Variants in FUT8 observed in about 807,000 individuals in gnomAD.
FUT8 encodes the protein fucosyltransferase 8, also known as alpha-(1,6)-fucosyltransferase.
Under a neutral mutation model 71.3 loss-of-function variants are expected in FUT8, and 29 were observed. That is an observed-to-expected ratio of 0.41 (90% CI 0.30 to 0.55). The LOEUF (loss-of-function observed/expected upper bound fraction) is 0.55. Among genes scored for constraint, FUT8 ranks in the 20% least tolerant of loss-of-function variants. FUT8 has a pLI of 0.34. For missense variants in FUT8, 544 were observed against 702.1 expected, an observed-to-expected ratio of 0.77 and a Z score of 2.55; for synonymous variants, 254 against 239.3, an observed-to-expected ratio of 1.06 and a Z score of -0.57.
At chr14:65,695,962 T>C (rs756913099) in intron 7 of FUT8, among the ~76,000 whole-genome samples, 10 of 152,106 alleles carry the variant, frequency 6.6e-5, no homozygotes, top group Non-Finnish European at 1.5e-4. Flanking sequence ...CAAATCCAAA[T>C]CCACTTTCAA....
rs1163052408 is a variant in FUT8, at chr14:65,602,343, TCACACACACACACA to T, written c.204-13588_204-13575del. ...TCATGGCCGAGTAGCGTTCCATCTC[TCACACACACACACA>T]CACACACACACACACACACACACAC... On this transcript the variant is annotated intron_variant, in intron 3 of 10. Coordinates refer to ENST00000673929, the MANE Select transcript of FUT8 (RefSeq NM_001371533.1). Among the ~76,000 whole-genome samples, 232 of 48,494 alleles carry T rather than the reference TCACACACACACACA, an allele frequency of 4.8e-3. 3 individuals carry two copies. The highest frequency in any genetic ancestry group is 0.038 in the East Asian group (33 of 862). The allele number at this position is 48,494 out of a possible 152,430, so 31.8% of individuals were successfully genotyped here.
At chr14:65,454,764 C>G (rs948862112) in intron 1 of FUT8, among the ~76,000 whole-genome samples, 1 of 152,138 alleles carries the variant, frequency 6.6e-6, no homozygotes, top group African/African-American at 2.4e-5. Flanking sequence ...TGGTGACTTG[C>G]GCATACTACA....
the FUT8 span, among the ~76,000 whole-genome samples, chr14:65,378,474 T>A: frequency 3.3e-5 from 5 of 151,964 alleles, no homozygotes; most frequent in African/African-American, 9.7e-5. Context: ...AGGATGTAAG[T>A]AAGAGGGAAG....
At chr14:65,715,718 T>C (rs11849792) in intron 7 of FUT8, among the ~76,000 whole-genome samples, 10,122 of 152,292 alleles carry the variant, frequency 0.066, 391 homozygotes, top group Admixed American at 0.12. Flanking sequence ...CATTGATCCA[T>C]TGGTATTTAA....
At chr14:65,676,704 TC>T (rs1892734364) in intron 7 of FUT8, among the ~76,000 whole-genome samples, 1 of 151,868 alleles carries the variant, frequency 6.6e-6, no homozygotes, top group South Asian at 2.1e-4. Context: ...TCTTTGAGTC[TC>T]AGTCACAGTT....
At chr14:65,576,090 G>C (rs1262763021) in intron 3 of FUT8, among the ~76,000 whole-genome samples, 1 of 152,146 alleles carries the variant, frequency 6.6e-6, no homozygotes, top group African/African-American at 2.4e-5. Context: ...TAGCTCACTT[G>C]CTGTGAATAG....
chr14:65,380,783 T>C, the FUT8 span, among the ~76,000 whole-genome samples: 3 of 152,230 alleles, frequency 2.0e-5, no homozygotes, highest in Non-Finnish European at 4.4e-5. Context: ...CAGCTACTTC[T>C]GAATGTATTG....
chr14:65,385,918 G>A, the FUT8 span, among the ~76,000 whole-genome samples: 171 of 152,126 alleles, frequency 1.1e-3, no homozygotes, highest in African/African-American at 4.0e-3. Context: ...TTGGGAGGCC[G>A]AGGCGGGTAG....
At chr14:65,538,765 C>T (rs771322806) in intron 2 of FUT8, among the ~76,000 whole-genome samples, 4 of 151,872 alleles carry the variant, frequency 2.6e-5, no homozygotes, top group Non-Finnish European at 5.9e-5. Context: ...ACTAAAAATA[C>T]AAAAGTTAAG....
chr14:65,519,263 G>A (rs572716033), intron 2 of FUT8, among the ~76,000 whole-genome samples: 27 of 152,172 alleles, frequency 1.8e-4, no homozygotes, highest in Admixed American at 1.4e-3. Context: ...TACTTAAGTC[G>A]GTTATGGTAA....
intron 7 of FUT8, among the ~76,000 whole-genome samples, chr14:65,697,524 A>G (rs1894053317): frequency 6.6e-6 from 1 of 152,220 alleles, no homozygotes; most frequent in Non-Finnish European, 1.5e-5. Flanking sequence ...CCTTTAGGCC[A>G]TGCGTTGTTA....
chr14:65,705,777 C>T (rs535013563), intron 7 of FUT8, among the ~76,000 whole-genome samples: 16 of 152,248 alleles, frequency 1.1e-4, no homozygotes, highest in South Asian at 1.0e-3. Context: ...CAGAACTTCA[C>T]GGTAGCTAGG....
At chr14:65,392,502 G>A in the FUT8 span, among the ~76,000 whole-genome samples, 1 of 152,062 alleles carries the variant, frequency 6.6e-6, no homozygotes, top group African/African-American at 2.4e-5. Context: ...TGCTGTTGCC[G>A]GTTTTGACTT....
chr14:65,424,179 G>A (rs182980249), intron 1 of FUT8, among the ~76,000 whole-genome samples: 2 of 152,308 alleles, frequency 1.3e-5, no homozygotes, highest in African/African-American at 4.8e-5. Flanking sequence ...TTGGAAAGAT[G>A]AACTGCTTGC....
chr14:65,381,523 G>A, the FUT8 span, among the ~76,000 whole-genome samples: 1 of 152,304 alleles, frequency 6.6e-6, no homozygotes, highest in South Asian at 2.1e-4. Context: ...TCAGTATGGT[G>A]CCTGGCACAT....
chr14:65,387,456 C>A, the FUT8 span, among the ~76,000 whole-genome samples: 2 of 152,174 alleles, frequency 1.3e-5, no homozygotes, highest in Non-Finnish European at 2.9e-5. Context: ...CTGACAGATA[C>A]GCAGCTGAAG....
At chr14:65,535,386 G>T (rs892749277) in intron 2 of FUT8, among the ~76,000 whole-genome samples, 7 of 152,052 alleles carry the variant, frequency 4.6e-5, no homozygotes, top group Admixed American at 4.6e-4. Context: ...CAGGTGTGAG[G>T]CACTGTGCCC....
At chr14:65,448,232 G>C (rs1483441861) in intron 1 of FUT8, among the ~76,000 whole-genome samples, 2 of 152,174 alleles carry the variant, frequency 1.3e-5, no homozygotes, top group Non-Finnish European at 1.5e-5. Context: ...TTGTGGTATG[G>C]TGAAGAGTGC....
At chr14:65,458,387 G>A (rs2065925258) in intron 2 of FUT8, among the ~76,000 whole-genome samples, 1 of 139,054 alleles carries the variant, frequency 7.2e-6, no homozygotes, top group East Asian at 1.9e-4. Flanking sequence ...GTAAAGGTTG[G>A]GCATGGAAAA....
Sources: allele counts gnomAD v4.1 joint callset (sites outside exome capture counted in the v4.1 genomes callset), GRCh38; gene constraint gnomAD v4.1.1; transcripts MANE v1.5; gene names NCBI Gene and HGNC (gene_info 2026-07-23, HGNC 2026-07-21).